Variants in DIAPH1 observed in about 807,000 individuals in gnomAD.
The protein encoded by DIAPH1 is diaphanous related formin 1, also known as protein diaphanous homolog 1.
A neutral mutation model predicts 140.7 loss-of-function variants in DIAPH1; 46 were observed. The ratio of observed to expected loss-of-function variants is 0.33; its 90% CI spans 0.26 to 0.42. The LOEUF is 0.42. DIAPH1 is among the 10% of genes least tolerant of loss of function. The pLI is 1.00. For missense variants in DIAPH1, 1,310 were observed against 1,558.7 expected (o/e 0.84, Z 2.69); for synonymous variants, 565 against 551.6 (o/e 1.02, Z -0.34).
At chr5:141,599,615 C>T (rs2099899832) in intron 1 of DIAPH1, among the ~76,000 whole-genome samples, 1 of 152,148 alleles carries the variant, frequency 6.6e-6, no homozygotes, top group Admixed American at 6.5e-5. Context: ...TCATGCCCAG[C>T]CAGGTTTTCT....
chr5:141,546,450 G>A (rs1253398059), intron 18 of DIAPH1, among the ~76,000 whole-genome samples: 2 of 152,096 alleles, frequency 1.3e-5, no homozygotes, highest in Non-Finnish European at 2.9e-5. Context: ...GAGGTCAGGA[G>A]TTCAAGACCA....
intron 18 of DIAPH1, among the ~76,000 whole-genome samples, chr5:141,542,625 T>C (rs2099890177): frequency 6.6e-6 from 1 of 152,178 alleles, no homozygotes; most frequent in Non-Finnish European, 1.5e-5. Flanking sequence ...TTATTTCACT[T>C]ATATGAAATA....
Position 141,618,835 on chromosome 5 carries a change from G to T in DIAPH1, c.80C>A (p.Pro27His). 1 of 1,549,606 alleles carries T rather than the reference G, an allele frequency of 6.5e-7. No individual in the cohort carries two copies. The highest frequency in any genetic ancestry group is 1.2e-5 in the South Asian group (1 of 83,254). ...KKKGRSPDEL[P>H]SAGGDGGKSK... ...TTTGCCGCCGTCGCCGCCCGCCGAG[G>T]GCAGCTCATCTGGGCTCCGGCCCTT... Residue 27 changes from proline (P) to histidine (H), a missense_variant, in exon 1 of 28, where the codon CCC becomes CAC. Around this residue, in one of 3 missense-constraint regions of DIAPH1, gnomAD observed 377 missense variants for 497.1 expected, o/e 0.76. Coordinates refer to ENST00000389054, the MANE Select transcript of DIAPH1 (RefSeq NM_005219.5).
intron 18 of DIAPH1, among the ~76,000 whole-genome samples, chr5:141,546,262 A>G (rs1238158811): frequency 6.6e-6 from 1 of 152,110 alleles, no homozygotes; most frequent in African/African-American, 2.4e-5. Context: ...CATGCCTGTA[A>G]TCCCAGCTAC....
chr5:141,528,501 C>T lies in DIAPH1; in HGVS notation c.3100G>A (p.Val1034Ile). 6.2e-7 allele frequency: 1 copy of T among 1,614,230 alleles called. No individual in the cohort carries two copies. Among genetic ancestry groups the T allele is most frequent in the Non-Finnish European group, 8.5e-7 (1 of 1,180,038 alleles). Residue 1034 changes from valine to isoleucine, a missense_variant, in exon 23 of 28, where the codon GTC (valine) becomes ATC (isoleucine). By Grantham distance (29) the Val-to-Ile change is conservative. Around this residue, in one of 3 missense-constraint regions of DIAPH1, gnomAD observed 344 missense variants for 512.2 expected, o/e 0.67. Transcript: ENST00000389054. ...GCAAGCTCGTCTGGAAACTTGAGGA[C>T]ATCGGGATAGTCATTCTCACACAAC... Reference protein sequence around the residue: ...AELCENDYPDVLKFPDELAHV... With the variant: ...AELCENDYPDILKFPDELAHV...
intron 18 of DIAPH1, among the ~76,000 whole-genome samples, chr5:141,568,747 G>C (rs2099894731): frequency 6.6e-6 from 1 of 152,090 alleles, no homozygotes; most frequent in Admixed American, 6.6e-5. Context: ...AAGGTTTTAG[G>C]TATCAATAAA....
Position 141,576,794 on chromosome 5 carries a change from T to G in DIAPH1, c.1358A>C (p.Lys453Thr), listed in dbSNP as rs368435886. The change falls in exon 13 of 28, where the codon AAG (lysine) becomes ACG (threonine). Residue 453 changes from lysine (K) to threonine (T), a missense_variant. By Grantham distance (78) the Lys-to-Thr change is moderately conservative. Transcript: ENST00000389054. ...AATCTCAATCTGGAGGTGCCGGCACTTGAAGTCAGGATCAGCCCCGTTCTT... is the reference window on the plus strand; with the variant it reads ...AATCTCAATCTGGAGGTGCCGGCACGTGAAGTCAGGATCAGCCCCGTTCTT... ...LHKNGADPDFKCRHLQIEIEG... is the reference protein window; with the variant it reads ...LHKNGADPDFTCRHLQIEIEG... The G allele has an allele frequency of 6.2e-7, 1 of 1,613,882 alleles. No homozygotes were observed. Among genetic ancestry groups the G allele is most frequent in the Non-Finnish European group, 8.5e-7 (1 of 1,179,882 alleles).
In DIAPH1 at chr5:141,573,996, TGGAGGA is replaced by T. The variant is rs3075570; in HGVS notation, c.1848_1853del (p.Pro619_Pro620del). On this transcript the variant is annotated inframe_deletion, in exon 16 of 28. Transcript: ENST00000389054. ...TGCAAACACCCCCAGGCAAAGGAGG[TGGAGGA>T]GGAGGAGGAGGAGGAGGAGGAGGAG... 5.9e-4 allele frequency: 893 copies of T among 1,511,370 alleles called. 1 individual carries two copies. The East Asian group carries it at 7.3e-3, about 12-fold the overall frequency. 93.6% of individuals were successfully genotyped at this position (1,511,370 alleles called of 1,614,324 possible).
At chr5:141,560,812 A>C in intron 18 of DIAPH1, 1 of 456,306 alleles carries the variant, frequency 2.2e-6, no homozygotes, top group Non-Finnish European at 4.4e-6. Context: ...AACAAAGAGA[A>C]CAGATGGAAT....
chr5:141,577,593 T>C lies in DIAPH1; in HGVS notation c.1164-2A>G, dbSNP rs112794732. ...ATCTGAAAGACTTCATTAAAGTCAG[T>C]GGAAAAGGGAAATAGGCTAAGGAAA... On this transcript the variant is annotated splice_acceptor_variant, in intron 11 of 27. Coordinates refer to ENST00000389054, the MANE Select transcript of DIAPH1 (RefSeq NM_005219.5). LOFTEE classifies it high-confidence loss of function. 2 of 1,586,612 alleles carry C rather than the reference T, an allele frequency of 1.3e-6. No homozygotes were observed. Among genetic ancestry groups the C allele is most frequent in the Non-Finnish European group, 1.7e-6 (2 of 1,155,334 alleles).
chr5:141,605,426 A>G (rs548282251), intron 1 of DIAPH1, among the ~76,000 whole-genome samples: 2 of 152,358 alleles, frequency 1.3e-5, no homozygotes, highest in East Asian at 3.9e-4. Context: ...GTTTTCAAAA[A>G]AAAAGCACAC....
intron 18 of DIAPH1, among the ~76,000 whole-genome samples, chr5:141,541,085 T>C (rs1045462383): frequency 6.6e-6 from 1 of 152,014 alleles, no homozygotes; most frequent in African/African-American, 2.4e-5. Context: ...TACACACTAT[T>C]TTATGCACCA....
At chr5:141,614,961 G>A (rs1055608938) in intron 1 of DIAPH1, among the ~76,000 whole-genome samples, 2 of 152,076 alleles carry the variant, frequency 1.3e-5, no homozygotes, top group African/African-American at 2.4e-5. Flanking sequence ...AAATCTGCAC[G>A]AACAACTCCA....
chr5:141,545,066 G>C (rs1284951304), intron 18 of DIAPH1, among the ~76,000 whole-genome samples: 1 of 152,144 alleles, frequency 6.6e-6, no homozygotes, highest in Non-Finnish European at 1.5e-5. Flanking sequence ...GACTGAAAAG[G>C]CTACTTAGTG....
chr5:141,573,895 G>A lies in DIAPH1; in HGVS notation c.1955C>T (p.Pro652Leu), dbSNP rs1410529153. The A allele has an allele frequency of 1.3e-6, 2 of 1,547,858 alleles. No homozygotes were observed. The highest frequency in any genetic ancestry group is 2.0e-5 in the Admixed American group (1 of 50,652). ...ACCCTCAGGCAAAGGAGGGGGTGGAGGGATGGTAGCATCCCCAGACAAAGG... is the reference window on the plus strand; with the variant it reads ...ACCCTCAGGCAAAGGAGGGGGTGGAAGGATGGTAGCATCCCCAGACAAAGG... ...PPPLSGDATI[P>L]PPPPLPEGVG... Residue 652 changes from proline (P) to leucine (L), a missense_variant, in exon 16 of 28, where the codon CCT (proline) becomes CTT (leucine). Physicochemically the swap from Pro to Leu is moderately conservative, Grantham distance 98. This residue lies in a region of DIAPH1 where 589 missense variants were observed against 549.3 expected (regional missense o/e 1.07). Transcript: ENST00000389054.
At chr5:141,584,730 G>C (rs1265876854) in intron 3 of DIAPH1, among the ~76,000 whole-genome samples, 1 of 151,906 alleles carries the variant, frequency 6.6e-6, no homozygotes, top group Non-Finnish European at 1.5e-5. Context: ...ATAAAGCAGA[G>C]GCCCCCTGAC....
intron 1 of DIAPH1, among the ~76,000 whole-genome samples, chr5:141,593,633 G>C (rs879779255): frequency 2.0e-5 from 3 of 152,152 alleles, no homozygotes; most frequent in Non-Finnish European, 4.4e-5. Flanking sequence ...TGTAAGTGAG[G>C]AGGAATTTAT....
intron 18 of DIAPH1, among the ~76,000 whole-genome samples, chr5:141,556,531 T>C (rs1162051646): frequency 1.3e-5 from 2 of 152,016 alleles, no homozygotes; most frequent in African/African-American, 4.8e-5. Flanking sequence ...AAAGTAAGAG[T>C]CCAGCCCTTT....
In DIAPH1 at chr5:141,526,156, G is replaced by A. The variant is rs2099887299; in HGVS notation, c.3456C>T (p.Asn1152=). The A allele has an allele frequency of 6.2e-7, 1 of 1,614,050 alleles. No homozygotes were observed. The highest frequency in any genetic ancestry group is 8.5e-7 in the Non-Finnish European group (1 of 1,180,036). Residue 1152 remains asparagine (N), a synonymous_variant, in exon 26 of 28, where the codon AAC becomes AAT. Coordinates refer to ENST00000389054, the MANE Select transcript of DIAPH1 (RefSeq NM_005219.5). ...RNMFLQAVKE[N]QKRRETEEKM... ...TTTCTTCTGTCTCCCGCCGCTTCTG[G>A]TTCTCCTTGACTGCTTGCTGGGGCA...
Sources: gnomAD v4.1 joint callset for allele counts (sites outside exome capture counted in the v4.1 genomes callset) on GRCh38, gnomAD v4.1.1 for gene constraint, gnomAD v4.1.1 regional missense constraint, MANE v1.5 for transcripts, NCBI Gene and HGNC (gene_info 2026-07-23, HGNC 2026-07-21) for gene names.